Variants in NRIP3 observed in about 807,000 individuals in gnomAD.
NRIP3 encodes the protein nuclear receptor-interacting protein 3.
NRIP3 carries 31 observed loss-of-function variants against 29.0 expected under a neutral mutation model. The ratio of observed to expected loss-of-function variants is 1.07; its 90% confidence interval spans 0.80 to 1.44. NRIP3 has a LOEUF of 1.44. Ranked by LOEUF, NRIP3 falls within the 40% of genes most tolerant of loss-of-function variation. The pLI is 0.00. For missense variants in NRIP3, 314 were observed against 297.9 expected (o/e 1.05, Z -0.40); for synonymous variants, 131 against 118.3 (o/e 1.11, Z -0.70).
At chr11:8,986,855 CA>C (rs1165490686) in intron 3 of NRIP3, among the ~76,000 whole-genome samples, 2 of 152,240 alleles carry the variant, frequency 1.3e-5, no homozygotes, top group East Asian at 3.9e-4. Flanking sequence ...CCCCTCTCTA[CA>C]AAAAATACAA....
intron 3 of NRIP3, among the ~76,000 whole-genome samples, chr11:8,986,427 G>A (rs139201119): frequency 1.8e-3 from 269 of 152,254 alleles, no homozygotes; most frequent in African/African-American, 6.2e-3. Flanking sequence ...AGGGGAGGAA[G>A]GAAAGAAACA....
At position 8,982,964 on chromosome 11, in the gene NRIP3, A is replaced by C. The variant is rs746997245; in HGVS notation, c.*581T>G. On this transcript the variant is annotated 3_prime_UTR_variant, in exon 7 of 7. Coordinates refer to ENST00000309166, the MANE Select transcript of NRIP3 (RefSeq NM_020645.3). Reference sequence around the variant, plus strand: ...TGGTCCCTTCAGTCACTGACCTAATATATGAACTTAGACAATTCACTTGCC... The same window carrying C: ...TGGTCCCTTCAGTCACTGACCTAATCTATGAACTTAGACAATTCACTTGCC... 7.2e-5 allele frequency: 33 copies of C among 456,432 alleles called. No homozygotes were observed. The highest frequency in any genetic ancestry group is 2.6e-4 in the Admixed American group (11 of 42,528). The allele number at this position is 456,432 out of a possible 1,614,324, so 28.3% of individuals were successfully genotyped here.
intron 4 of NRIP3, 31 bp downstream of exon 4, chr11:8,985,680 G>T (rs1566135796): frequency 1.2e-6 from 2 of 1,609,434 alleles, no homozygotes; most frequent in Admixed American, 1.7e-5. Flanking sequence ...TTCCGTTAGG[G>T]TCCATAGGTC....
chr11:8,985,693 G>A lies in NRIP3; in HGVS notation c.562+18C>T, dbSNP rs755200256. ...GTTTCCGTTAGGGTCCATAGGTCCA[G>A]CCCTCAATTCTGCTTACCAACCACA... On this transcript the variant is annotated intron_variant, in intron 4 of 6. Transcript: ENST00000309166. The A allele has an allele frequency of 6.2e-7, 1 of 1,612,614 alleles. No individual in the cohort carries two copies. Among genetic ancestry groups the A allele is most frequent in the Non-Finnish European group, 8.5e-7 (1 of 1,179,602 alleles).
Position 8,984,133 on chromosome 11 carries a change from AAC to A in NRIP3, c.563-11_563-10del, listed in dbSNP as rs1481524590. 2 of 1,601,426 alleles carry A rather than the reference AAC, an allele frequency of 1.2e-6. No homozygotes were observed. Among genetic ancestry groups the A allele is most frequent in the Non-Finnish European group, 1.7e-6 (2 of 1,168,684 alleles). On this transcript the variant is annotated splice_polypyrimidine_tract_variant and intron_variant, in intron 4 of 6. Transcript: ENST00000309166. The stretch of plus-strand genomic sequence containing the variant: ...GTTTTTCTCATTGTCATCTAATAAA[AAC>A]AAAAAAATGATTAAGATTTAGCCAT...
Position 8,988,228 on chromosome 11 carries a change from G to A in NRIP3, c.229C>T (p.Arg77Ter), listed in dbSNP as rs149080270. 15 of 1,614,006 alleles carry A rather than the reference G, an allele frequency of 9.3e-6. No individual in the cohort carries two copies. The highest frequency in any genetic ancestry group is 5.3e-5 in the African/African-American group (4 of 74,916). The change falls in exon 2 of 7, where the codon CGA becomes TGA. Residue 77 changes from arginine to a stop codon, truncating the protein, a stop_gained. Coordinates refer to ENST00000309166, the MANE Select transcript of NRIP3 (RefSeq NM_020645.3). LOFTEE classifies it high-confidence loss of function. ...RLMETNLSKL[R>*]SGPRVPWASK... ...GCCCAAGGGACACGGGGACCGCTTC[G>A]GAGCTTAGACAGGTTGGTTTCCATG...
intron 1 of NRIP3, among the ~76,000 whole-genome samples, chr11:8,999,616 T>A (rs1589965300): frequency 6.6e-6 from 1 of 152,330 alleles, no homozygotes; most frequent in East Asian, 1.9e-4. Flanking sequence ...CACAATGGCC[T>A]CCTACTACAT....
chr11:8,983,649 G>C (rs1169085346), intron 6 of NRIP3, 89 bp from the exon 7 acceptor site: 3 of 1,231,946 alleles, frequency 2.4e-6, no homozygotes, highest in Non-Finnish European at 3.6e-6. Context: ...TTCAAAGCTA[G>C]TCATTTCCCT....
intron 3 of NRIP3, among the ~76,000 whole-genome samples, chr11:8,987,141 A>G (rs1022903653): frequency 7.9e-5 from 12 of 152,188 alleles, no homozygotes; most frequent in Non-Finnish European, 1.0e-4. Flanking sequence ...ATCCTCCAGA[A>G]AGACTCTGAG....
intron 2 of NRIP3, 120 bp downstream of exon 2, chr11:8,987,998 G>A (rs1397701077): frequency 2.3e-6 from 2 of 858,648 alleles, no homozygotes; most frequent in African/African-American, 1.7e-5. Context: ...GTTGCATGGA[G>A]TGCCCCTTTT....
chr11:8,988,375 C>A (rs779085796), intron 1 of NRIP3, 93 bp from the exon 2 acceptor site: 135 of 986,178 alleles, frequency 1.4e-4, no homozygotes, highest in Non-Finnish European at 1.9e-4. Flanking sequence ...GAAGGAGCCT[C>A]CCATAACTGA....
chr11:8,991,027 T>G (rs1854589645), intron 1 of NRIP3, among the ~76,000 whole-genome samples: 1 of 151,908 alleles, frequency 6.6e-6, no homozygotes, highest in African/African-American at 2.4e-5. Flanking sequence ...TCTGTCCAGG[T>G]GCGGTGGCTC....
At chr11:8,984,624 G>A (rs1423200549) in intron 4 of NRIP3, among the ~76,000 whole-genome samples, 1 of 152,138 alleles carries the variant, frequency 6.6e-6, no homozygotes, top group Non-Finnish European at 1.5e-5. Flanking sequence ...ATAGAGCCAA[G>A]ATTCAAACCC....
upstream of NRIP3, chr11:9,004,081 G>GACTCTGT: frequency 1.4e-6 from 1 of 704,896 alleles, no homozygotes; most frequent in Non-Finnish European, 2.1e-6. Flanking sequence ...CGGGGGGCGG[G>GACTCTGT]GCCGGCACAG....
chr11:9,001,156 G>A (rs960694582), intron 1 of NRIP3, among the ~76,000 whole-genome samples: 7 of 152,028 alleles, frequency 4.6e-5, no homozygotes, highest in African/African-American at 1.7e-4. Flanking sequence ...AAGATAAAAG[G>A]ATAAAAGCAA....
rs1408371740 is a variant in NRIP3, at chr11:8,988,187, T to A, written c.270A>T (p.Lys90Asn). ...PRVPWASKTN[K>N]LNQAKSEGLK... ...GCCCCTCAGACTTAGCCTGATTGAGTTTGTTCGTCTTAGAGGCCCAAGGGA... is the reference window on the plus strand; with the variant it reads ...GCCCCTCAGACTTAGCCTGATTGAGATTGTTCGTCTTAGAGGCCCAAGGGA... The change falls in exon 2 of 7, where the codon AAA (lysine) becomes AAT (asparagine). Residue 90 changes from lysine to asparagine, a missense_variant. Physicochemically the swap from Lys to Asn is moderately conservative, Grantham distance 94. Coordinates refer to ENST00000309166, the MANE Select transcript of NRIP3 (RefSeq NM_020645.3). The A allele has an allele frequency of 6.2e-7, 1 of 1,614,060 alleles. No homozygotes were observed. The highest frequency in any genetic ancestry group is 8.5e-7 in the Non-Finnish European group (1 of 1,180,016).
chr11:8,983,651 C>A, intron 6 of NRIP3, 91 bp from the exon 7 acceptor site: 2 of 1,190,102 alleles, frequency 1.7e-6, no homozygotes, highest in South Asian at 1.3e-5. Flanking sequence ...CAAAGCTAGT[C>A]ATTTCCCTAC....
At chr11:9,003,526 G>C (rs922079351) in intron 1 of NRIP3, among the ~76,000 whole-genome samples, 1 of 152,220 alleles carries the variant, frequency 6.6e-6, no homozygotes, top group Non-Finnish European at 1.5e-5. Flanking sequence ...CTGGAGAAGA[G>C]ACATCCAGGG....
intron 1 of NRIP3, among the ~76,000 whole-genome samples, chr11:8,998,056 C>T (rs1418925836): frequency 6.6e-6 from 1 of 152,194 alleles, no homozygotes; most frequent in Non-Finnish European, 1.5e-5. Context: ...GGCCTGAAAT[C>T]ATTCTACTCC....
Sources: gnomAD v4.1 joint callset for allele counts (sites outside exome capture counted in the v4.1 genomes callset) on GRCh38, gnomAD v4.1.1 for gene constraint, MANE v1.5 for transcripts, NCBI Gene and HGNC (gene_info 2026-07-23, HGNC 2026-07-21) for gene names.